Variants in MYO16 observed in about 807,000 individuals in gnomAD.
MYO16 encodes the protein unconventional myosin-XVI.
Under a neutral mutation model 205.3 loss-of-function variants are expected in MYO16, and 94 were observed. The observed-to-expected ratio is 0.46, with a 90% confidence interval of 0.39 to 0.54. MYO16 has a LOEUF of 0.54. Among genes scored for constraint, MYO16 ranks in the 20% least tolerant of loss-of-function variants. The pLI is 0.00. For synonymous variants in MYO16, 988 were observed against 954.0 expected (o/e 1.04, Z -0.66); for missense variants, 2,315 against 2,387.5 (o/e 0.97, Z 0.63).
At chr13:108,849,161 C>T (rs1273700220) in intron 10 of MYO16, among the ~76,000 whole-genome samples, 3 of 149,738 alleles carry the variant, frequency 2.0e-5, no homozygotes, top group African/African-American at 5.0e-5. Flanking sequence ...CCGGTCAACA[C>T]GAAGTTTTTT....
At chr13:108,838,742 CTA>C (rs1206807476) in intron 9 of MYO16, among the ~76,000 whole-genome samples, 39 of 105,480 alleles carry the variant, frequency 3.7e-4, no homozygotes, top group Admixed American at 8.6e-4. Context: ...TATATATACA[CTA>C]TATATATATA....
At chr13:109,180,243 C>A (rs2139917299) in intron 34 of MYO16, among the ~76,000 whole-genome samples, 1 of 152,074 alleles carries the variant, frequency 6.6e-6, no homozygotes, top group South Asian at 2.1e-4. Flanking sequence ...ATTATCACTT[C>A]AAGAAGAAGA....
the MYO16 span, among the ~76,000 whole-genome samples, chr13:108,549,129 T>G: frequency 6.6e-6 from 1 of 152,210 alleles, no homozygotes; most frequent in African/African-American, 2.4e-5. Context: ...GATGTCCATG[T>G]CTTGATCCCC....
At position 108,892,731 on chromosome 13, in the gene MYO16, G is replaced by A. The variant is rs189907283; in HGVS notation, c.1659+4254G>A. On this transcript the variant is annotated intron_variant, in intron 14 of 34. Coordinates refer to ENST00000457511, the MANE Select transcript of MYO16 (RefSeq NM_001198950.3). ...CTGATGACTTACTCATAATGAAAAG[G>A]AACAATAGTTTCCCCTCTAAATTAT... is the stretch of plus-strand genomic sequence containing the variant. 1.6e-3 allele frequency among the ~76,000 whole-genome samples: 238 copies of A among 152,246 alleles called. 1 individual carries two copies. The Middle Eastern group carries it at 0.024, about 15-fold the overall frequency.
At chr13:109,203,846 T>G (rs531530321) in intron 34 of MYO16, among the ~76,000 whole-genome samples, 2 of 152,302 alleles carry the variant, frequency 1.3e-5, no homozygotes, top group South Asian at 4.1e-4. Flanking sequence ...AGGGCGCCCA[T>G]CACCCATGCA....
chr13:108,748,457 A>C (rs985654445), intron 4 of MYO16, among the ~76,000 whole-genome samples: 12 of 152,108 alleles, frequency 7.9e-5, no homozygotes, highest in Non-Finnish European at 1.5e-4. Flanking sequence ...TAGAGAAAGA[A>C]GAGCAATTAA....
rs1473701835 is a variant in MYO16 at position 109,055,254 on chromosome 13, C to G, written c.3129+128C>G. ...CACAAAAAAAGTAAACATACACACA[C>G]ACACACACACACACACACACAGAGT... On this transcript the variant is annotated intron_variant, in intron 26 of 34. Transcript: ENST00000457511. The surrounding 1 kb of genome is among the most constrained non-coding windows in gnomAD (Gnocchi z 5.0). 2 of 808,394 alleles carry G rather than the reference C, an allele frequency of 2.5e-6. No homozygotes were observed. The highest frequency in any genetic ancestry group is 3.0e-5 in the Admixed American group (1 of 33,176). The allele number at this position is 808,394 out of a possible 1,614,324, so 50.1% of individuals were successfully genotyped here.
At chr13:108,751,099 C>A (rs1348502857) in intron 4 of MYO16, among the ~76,000 whole-genome samples, 2 of 150,848 alleles carry the variant, frequency 1.3e-5, no homozygotes, top group East Asian at 3.9e-4. Context: ...ACATTTCCCT[C>A]CCCTGTCAGT....
intron 31 of MYO16, among the ~76,000 whole-genome samples, chr13:109,130,302 C>A (rs931136794): frequency 6.6e-6 from 1 of 152,194 alleles, no homozygotes; most frequent in East Asian, 1.9e-4. Context: ...GGTGAGCAGA[C>A]CTTTCAGAAG....
intron 16 of MYO16, among the ~76,000 whole-genome samples, chr13:108,937,980 A>C (rs368648854): frequency 6.6e-6 from 1 of 152,258 alleles, no homozygotes; most frequent in East Asian, 1.9e-4. Context: ...GAATTATTGC[A>C]GTGGTTTCTT....
At chr13:108,714,034 G>A (rs1883826408) in intron 3 of MYO16, among the ~76,000 whole-genome samples, 1 of 151,960 alleles carries the variant, frequency 6.6e-6, no homozygotes. Context: ...GGCAAATATC[G>A]TAAGCCTGTT....
intron 31 of MYO16, among the ~76,000 whole-genome samples, chr13:109,129,995 AAGTC>A (rs1876450636): frequency 6.6e-6 from 1 of 151,898 alleles, no homozygotes; most frequent in Non-Finnish European, 1.5e-5. Flanking sequence ...AAAAAAAAAA[AAGTC>A]AATTAAAATA....
intron 15 of MYO16, among the ~76,000 whole-genome samples, chr13:108,899,033 G>A (rs1880580423): frequency 6.6e-6 from 1 of 152,066 alleles, no homozygotes; most frequent in African/African-American, 2.4e-5. Context: ...AAAAAAGTTA[G>A]TTTTGACCAT....
At chr13:109,031,411 A>G (rs1018314134) in intron 23 of MYO16, among the ~76,000 whole-genome samples, 7 of 152,124 alleles carry the variant, frequency 4.6e-5, no homozygotes, top group Admixed American at 3.3e-4. Context: ...AAATTCATTT[A>G]GTTTTTTTGT....
At chr13:108,715,665 A>G (rs771341728) in intron 3 of MYO16, among the ~76,000 whole-genome samples, 4 of 152,216 alleles carry the variant, frequency 2.6e-5, no homozygotes, top group Non-Finnish European at 5.9e-5. Context: ...ATACTGTGTC[A>G]TCTGAGGGAG....
intron 1 of MYO16, among the ~76,000 whole-genome samples, chr13:108,598,452 A>G: frequency 6.6e-6 from 1 of 152,238 alleles, no homozygotes. Context: ...TCAAATGCAT[A>G]TAACAAACCA....
intron 27 of MYO16, among the ~76,000 whole-genome samples, chr13:109,068,861 A>G (rs1010330093): frequency 1.3e-5 from 2 of 152,112 alleles, no homozygotes; most frequent in Admixed American, 1.3e-4. Flanking sequence ...AAAGTGCTGG[A>G]ATTACAGGTG....
chr13:109,003,691 A>C (rs1885295296), intron 21 of MYO16, among the ~76,000 whole-genome samples: 1 of 152,344 alleles, frequency 6.6e-6, no homozygotes, highest in East Asian at 1.9e-4. Flanking sequence ...AATTCAGTGA[A>C]GCCAATATTC....
At chr13:108,554,621 G>A in the MYO16 span, among the ~76,000 whole-genome samples, 17 of 152,152 alleles carry the variant, frequency 1.1e-4, no homozygotes, top group Admixed American at 3.3e-4. Flanking sequence ...AGGCCGAGGC[G>A]GGCGGATCAC....
Sources: allele counts gnomAD v4.1 joint callset (sites outside exome capture counted in the v4.1 genomes callset), GRCh38; gene constraint gnomAD v4.1.1; non-coding constraint Gnocchi (gnomAD v3.1); transcripts MANE v1.5; gene names NCBI Gene and HGNC (gene_info 2026-07-23, HGNC 2026-07-21).